CPEB3: variants seen among roughly 807,000 people sequenced by gnomAD.
CPEB3 encodes cytoplasmic polyadenylation element binding protein 3, also known as cytoplasmic polyadenylation element-binding protein 3.
Under a neutral mutation model 67.2 loss-of-function variants are expected in CPEB3, and 20 were observed. That is an observed-to-expected ratio of 0.30 (90% CI 0.21 to 0.43). The LOEUF (loss-of-function observed/expected upper bound fraction) is 0.43. Ranked by LOEUF, CPEB3 falls within the 20% of genes least tolerant of loss-of-function variation. The pLI, the probability that CPEB3 is intolerant of heterozygous loss-of-function variation, is 1.00. For missense variants in CPEB3, 746 were observed against 968.6 expected, an observed-to-expected ratio of 0.77 and a Z score of 3.05; for synonymous variants, 376 against 393.1, an observed-to-expected ratio of 0.96 and a Z score of 0.51.
intron 9 of CPEB3, among the ~76,000 whole-genome samples, chr10:92,060,791 T>C (rs1161773829): frequency 1.3e-5 from 2 of 152,114 alleles, no homozygotes; most frequent in African/African-American, 4.8e-5. Context: ...ATCAGGGCAA[T>C]GCAAATCAAA....
chr10:92,216,294 G>A, intron 2 of CPEB3: 1 of 1,556,434 alleles, frequency 6.4e-7, no homozygotes, highest in Non-Finnish European at 8.7e-7. Flanking sequence ...AATTTGGCTG[G>A]GCAGCCTCCC....
At chr10:92,113,911 T>C (rs928557528) in intron 6 of CPEB3, among the ~76,000 whole-genome samples, 2 of 152,186 alleles carry the variant, frequency 1.3e-5, no homozygotes, top group East Asian at 3.8e-4. Flanking sequence ...TCAAGAGAAA[T>C]ATCTATAAAC....
chr10:92,259,611 A>G (rs1021837102), intron 1 of CPEB3, among the ~76,000 whole-genome samples: 6 of 152,206 alleles, frequency 3.9e-5, no homozygotes, highest in African/African-American at 7.2e-5. Flanking sequence ...CAAAAAAAAA[A>G]AAAAATCATC....
At position 92,280,367 on chromosome 10, in the gene CPEB3, A is replaced by AAG. The variant is rs1289992452; in HGVS notation, c.-12+10557_-12+10558dup. 4.3e-3 allele frequency among the ~76,000 whole-genome samples: 554 copies of AAG among 128,962 alleles called. 2 individuals are homozygous for AAG. Among genetic ancestry groups the AAG allele is most frequent in the Non-Finnish European group, 6.7e-3 (410 of 61,240 alleles). The allele number at this position is 128,962 out of a possible 152,430, so 84.6% of individuals were successfully genotyped here. On this transcript the variant is annotated intron_variant, in intron 1 of 9. Transcript: ENST00000265997. Reference sequence around the variant, plus strand: ...TCAAAAAAAAAAAAAAAAAAAAAAAAAGAGAGAGAGAGAGAAAGAAAAAAA... The same window carrying AAG: ...TCAAAAAAAAAAAAAAAAAAAAAAAAAGAGAGAGAGAGAGAGAAAGAAAAAAA...
rs1188544854 is a variant in CPEB3 at position 92,258,651 on chromosome 10, T to C, written c.-11-18290A>G. Among the ~76,000 whole-genome samples, 12 of 66,972 alleles carry C rather than the reference T, an allele frequency of 1.8e-4. No homozygotes were observed. In the East Asian group the frequency reaches 4.9e-3, roughly 28 times the overall value. The allele number at this position is 66,972 out of a possible 152,430, so 43.9% of individuals were successfully genotyped here. A position where few individuals can be genotyped will look rare whatever the true frequency, so the allele number is the denominator to read the frequency against. The stretch of plus-strand genomic sequence containing the variant: ...ATATATATATATATATATATATATA[T>C]ATATATATATATATATATATATATA... On this transcript the variant is annotated intron_variant, in intron 1 of 9. Coordinates refer to ENST00000265997, the MANE Select transcript of CPEB3 (RefSeq NM_014912.5).
intron 4 of CPEB3, among the ~76,000 whole-genome samples, chr10:92,170,603 A>C (rs1847955046): frequency 6.6e-6 from 1 of 152,196 alleles, no homozygotes; most frequent in Non-Finnish European, 1.5e-5. Flanking sequence ...ATGAAACAAT[A>C]ACTGATGAAA....
chr10:92,053,423 G>A (rs1391877114), intron 9 of CPEB3, among the ~76,000 whole-genome samples: 2 of 151,988 alleles, frequency 1.3e-5, no homozygotes, highest in Non-Finnish European at 2.9e-5. Context: ...GAGTGCAGTG[G>A]TGCGATCTCG....
At chr10:92,152,322 C>T (rs1399336044) in intron 4 of CPEB3, among the ~76,000 whole-genome samples, 2 of 152,172 alleles carry the variant, frequency 1.3e-5, no homozygotes, top group African/African-American at 2.4e-5. Flanking sequence ...CCTAGGCGAC[C>T]ACTAATCTCC....
chr10:92,099,962 G>A (rs181120915), intron 7 of CPEB3, among the ~76,000 whole-genome samples: 21 of 152,110 alleles, frequency 1.4e-4, no homozygotes, highest in African/African-American at 4.8e-4. Context: ...CCAAGAGTTC[G>A]AGACCAGCCT....
rs188785722 is a variant in CPEB3 at position 92,263,514 on chromosome 10, C to T, written c.-11-23153G>A. 3.6e-3 allele frequency among the ~76,000 whole-genome samples: 551 copies of T among 152,110 alleles called. 3 individuals are homozygous for T. Among genetic ancestry groups the T allele is most frequent in the Non-Finnish European group, 5.8e-3 (391 of 67,968 alleles). On this transcript the variant is annotated intron_variant, in intron 1 of 9. Coordinates refer to ENST00000265997, the MANE Select transcript of CPEB3 (RefSeq NM_014912.5). The stretch of plus-strand genomic sequence containing the variant: ...TATACTTAAGTGTAGATTTTCTTCT[C>T]TCCTTCCCACTTAATATCAGGAGTC...
chr10:92,086,637 C>T (rs888481749), intron 8 of CPEB3, among the ~76,000 whole-genome samples: 1 of 152,216 alleles, frequency 6.6e-6, no homozygotes, highest in African/African-American at 2.4e-5. Flanking sequence ...GCTCTGGGCA[C>T]ACTGCTGAGG....
At chr10:92,284,084 G>C (rs1334539230) in intron 1 of CPEB3, among the ~76,000 whole-genome samples, 2 of 144,340 alleles carry the variant, frequency 1.4e-5, no homozygotes, top group African/African-American at 5.2e-5. Context: ...CTGTCACCAG[G>C]CTGGAGTGCA....
intron 6 of CPEB3, among the ~76,000 whole-genome samples, chr10:92,140,408 G>C (rs1846346457): frequency 6.6e-6 from 1 of 152,110 alleles, no homozygotes; most frequent in Non-Finnish European, 1.5e-5. Context: ...AAATGGTGCT[G>C]GGAAAACTGG....
At chr10:92,120,216 C>T (rs1220886462) in intron 6 of CPEB3, among the ~76,000 whole-genome samples, 3 of 151,626 alleles carry the variant, frequency 2.0e-5, no homozygotes, top group African/African-American at 7.3e-5. Context: ...TTGAGACCAT[C>T]CTGGCTAACA....
Position 92,214,143 on chromosome 10 carries a change from T to C in CPEB3, c.1006-21507A>G, listed in dbSNP as rs533536894. On this transcript the variant is annotated intron_variant, in intron 2 of 9. Transcript: ENST00000265997. ...TTGAACTTAATCTCCATTGTGGTGA[T>C]ATTAAGAGGTGGGGGGCCTTTTGGG... is the stretch of plus-strand genomic sequence containing the variant. Among the ~76,000 whole-genome samples the C allele has an allele frequency of 5.3e-5, 8 of 152,254 alleles. No individual in the cohort carries two copies. The South Asian group carries it at 1.5e-3, about 28-fold the overall frequency.
chr10:92,239,881 A>C lies in CPEB3; in HGVS notation c.470T>G (p.Leu157Arg). 1 of 1,610,828 alleles carries C rather than the reference A, an allele frequency of 6.2e-7. No individual in the cohort carries two copies. The highest frequency in any genetic ancestry group is 8.5e-7 in the Non-Finnish European group (1 of 1,178,716). ...CTGCTGGTGGTGCTGGGTCTGCGCC[A>C]GGCCGATCTGCGGGGAGAAAGTGCC... ...FGGTFSPQIG[L>R]AQTQHHQQPP... The change falls in exon 2 of 10, where the codon CTG becomes CGG. Residue 157 changes from leucine (L) to arginine (R), a missense_variant. Around this residue, in one of 2 missense-constraint regions of CPEB3, gnomAD observed 643 missense variants for 717.5 expected, o/e 0.90. Coordinates refer to ENST00000265997, the MANE Select transcript of CPEB3 (RefSeq NM_014912.5). This position sits in a 1 kb window ranked among gnomAD's most constrained non-coding sequence, Gnocchi z 6.0.
intron 7 of CPEB3, 37 bp from the exon 8 acceptor site, chr10:92,091,981 T>C: frequency 8.3e-7 from 1 of 1,206,902 alleles, no homozygotes; most frequent in Non-Finnish European, 1.2e-6. Flanking sequence ...TTACTTCATT[T>C]CCATCAACCC....
At chr10:92,269,408 T>C (rs1439799050) in intron 1 of CPEB3, among the ~76,000 whole-genome samples, 1 of 152,158 alleles carries the variant, frequency 6.6e-6, no homozygotes, top group Non-Finnish European at 1.5e-5. Flanking sequence ...CCATGGAATA[T>C]AGCATTTCAC....
At chr10:92,235,177 C>T (rs1851467999) in intron 2 of CPEB3, among the ~76,000 whole-genome samples, 1 of 152,092 alleles carries the variant, frequency 6.6e-6, no homozygotes, top group Non-Finnish European at 1.5e-5. Context: ...TTAGAATGCA[C>T]TGTATGAAAA....
Sources: allele counts gnomAD v4.1 joint callset (sites outside exome capture counted in the v4.1 genomes callset), GRCh38; gene constraint gnomAD v4.1.1; regional missense constraint gnomAD v4.1.1; non-coding constraint Gnocchi (gnomAD v3.1); transcripts MANE v1.5; gene names NCBI Gene and HGNC (gene_info 2026-07-23, HGNC 2026-07-21).